KLHL4: variants seen among roughly 807,000 people sequenced by gnomAD.
KLHL4 encodes the protein kelch-like protein 4.
A neutral mutation model predicts 45.8 loss-of-function variants in KLHL4; 17 were observed. The observed-to-expected ratio is 0.37, with a 90% confidence interval of 0.25 to 0.56. KLHL4 has a LOEUF of 0.56. Ranked by LOEUF, KLHL4 falls within the 20% of genes least tolerant of loss-of-function variation. The pLI, the probability that KLHL4 is intolerant of heterozygous loss-of-function variation, is 0.79. For synonymous variants in KLHL4, 224 were observed against 189.9 expected (o/e 1.18, Z -1.47); for missense variants, 544 against 544.9 (o/e 1.00, Z 0.02).
intron 1 of KLHL4, among the ~76,000 whole-genome samples, chrX:87,592,690 C>T (rs1265246023): frequency 9.0e-6 from 1 of 111,614 alleles, no homozygotes; most frequent in Admixed American, 9.5e-5. Flanking sequence ...TTTCACATAC[C>T]CCTCTGCCCT....
intron 1 of KLHL4, among the ~76,000 whole-genome samples, chrX:87,523,512 T>C (rs1931044210): frequency 9.0e-6 from 1 of 111,210 alleles, no homozygotes; most frequent in South Asian, 3.8e-4. Context: ...TTCAAAAAAA[T>C]GATGTAGGTG....
chrX:87,596,766 CT>C (rs1227826857), intron 1 of KLHL4, among the ~76,000 whole-genome samples: 2 of 111,938 alleles, frequency 1.8e-5, no homozygotes, highest in African/African-American at 6.5e-5. Flanking sequence ...ACTATCACTT[CT>C]AGTATATATG....
chrX:87,533,029 G>A lies in KLHL4; in HGVS notation c.422+14714G>A, dbSNP rs552277233. ...ATACCATCTCACACCAGTTAGAATG[G>A]CAATCATTAAAAAGTCAGGAAACAA... On this transcript the variant is annotated intron_variant, in intron 1 of 10. Transcript: ENST00000373119. 3.3e-3 allele frequency among the ~76,000 whole-genome samples: 353 copies of A among 105,758 alleles called. 6 individuals are homozygous for A. The South Asian group carries it at 0.05, about 15-fold the overall frequency. The allele number at this position is 105,758 out of a possible 115,157, so 91.8% of individuals were successfully genotyped here.
chrX:87,659,309 G>A (rs1158237872), intron 9 of KLHL4, among the ~76,000 whole-genome samples: 2 of 107,898 alleles, frequency 1.9e-5, no homozygotes, highest in Admixed American at 2.0e-4. Context: ...CAGTAGTGAT[G>A]GAGTTTCACC....
intron 1 of KLHL4, among the ~76,000 whole-genome samples, chrX:87,520,450 A>C (rs183665922): frequency 1.1e-4 from 12 of 112,813 alleles, no homozygotes; most frequent in Admixed American, 4.7e-4. Context: ...GATTTCTACA[A>C]ATATTATGGG....
chrX:87,634,557 T>A (rs222085), intron 8 of KLHL4, among the ~76,000 whole-genome samples: 2 of 110,841 alleles, frequency 1.8e-5, no homozygotes, highest in South Asian at 7.6e-4. Context: ...ATGCGAGTTT[T>A]AGACAATAGG....
intron 10 of KLHL4, among the ~76,000 whole-genome samples, chrX:87,665,941 G>A (rs1276529866): frequency 4.5e-5 from 5 of 111,057 alleles, no homozygotes; most frequent in Non-Finnish European, 9.5e-5. Flanking sequence ...ACCAGAAATC[G>A]AAGGAAAAAA....
intron 6 of KLHL4, among the ~76,000 whole-genome samples, chrX:87,631,084 C>T (rs1923080961): frequency 9.0e-6 from 1 of 111,673 alleles, no homozygotes; most frequent in Non-Finnish European, 1.9e-5. Context: ...CTGGTTAGGA[C>T]CAGGTGTGCT....
chrX:87,543,882 A>G (rs760952345), intron 1 of KLHL4, among the ~76,000 whole-genome samples: 94 of 111,556 alleles, frequency 8.4e-4, no homozygotes, highest in African/African-American at 3.0e-3. Context: ...CTGCTAAGTG[A>G]AGAGCCCTTC....
intron 1 of KLHL4, among the ~76,000 whole-genome samples, chrX:87,598,108 C>T (rs1236189402): frequency 1.8e-5 from 2 of 109,929 alleles, no homozygotes; most frequent in Non-Finnish European, 3.8e-5. Context: ...TAAATTCATA[C>T]CCTAGCCTAG....
intron 1 of KLHL4, among the ~76,000 whole-genome samples, chrX:87,584,365 T>C (rs1412681911): frequency 1.8e-5 from 2 of 111,627 alleles, no homozygotes. Flanking sequence ...ATGAACGAAA[T>C]AAGGTACCAG....
intron 1 of KLHL4, among the ~76,000 whole-genome samples, chrX:87,539,801 C>T (rs769570529): frequency 9.0e-6 from 1 of 111,314 alleles, no homozygotes; most frequent in Non-Finnish European, 1.9e-5. Flanking sequence ...TCAGTCCTTT[C>T]ACCCTTATCT....
At position 87,594,384 on chromosome X, in the gene KLHL4, C is replaced by T. The variant is rs73511918; in HGVS notation, c.423-19493C>T. 8.0e-3 allele frequency among the ~76,000 whole-genome samples: 889 copies of T among 111,605 alleles called. 10 individuals are homozygous for T. The highest frequency in any genetic ancestry group is 0.027 in the African/African-American group (831 of 30,713). The stretch of plus-strand genomic sequence containing the variant: ...ATGAATTTGAGTTCTAATTCCTATA[C>T]GGTTTCAAGGTACCTGTGAATGATC... On this transcript the variant is annotated intron_variant, in intron 1 of 10. Coordinates refer to ENST00000373119, the MANE Select transcript of KLHL4 (RefSeq NM_019117.5).
chrX:87,650,174 C>A (rs773733845), intron 9 of KLHL4, among the ~76,000 whole-genome samples: 9 of 111,258 alleles, frequency 8.1e-5, no homozygotes, highest in Non-Finnish European at 1.3e-4. Context: ...CATCATGGTT[C>A]ACTGCATGCT....
chrX:87,658,635 G>A (rs1275825140), intron 9 of KLHL4, among the ~76,000 whole-genome samples: 1 of 111,388 alleles, frequency 9.0e-6, no homozygotes, highest in Admixed American at 9.5e-5. Context: ...CGAACCCACA[G>A]CACAGGCTGC....
intron 10 of KLHL4, among the ~76,000 whole-genome samples, chrX:87,665,204 A>C (rs1256548213): frequency 9.0e-6 from 1 of 111,438 alleles, no homozygotes; most frequent in Non-Finnish European, 1.9e-5. Flanking sequence ...TCATGAAAGC[A>C]TTCCCTTTAA....
intron 1 of KLHL4, among the ~76,000 whole-genome samples, chrX:87,548,251 A>G (rs955741288): frequency 8.9e-6 from 1 of 111,953 alleles, no homozygotes; most frequent in Admixed American, 9.5e-5. Flanking sequence ...AGAATAGTAT[A>G]TCTGGTGAAT....
intron 4 of KLHL4, among the ~76,000 whole-genome samples, chrX:87,619,126 A>C (rs900368413): frequency 2.7e-5 from 3 of 111,523 alleles, no homozygotes; most frequent in African/African-American, 9.8e-5. Context: ...ACCCAATCAA[A>C]ATATAAATAT....
intron 1 of KLHL4, among the ~76,000 whole-genome samples, chrX:87,534,476 A>G (rs777578175): frequency 9.0e-6 from 1 of 111,322 alleles, no homozygotes; most frequent in Admixed American, 9.6e-5. Context: ...ATTTGAAAGA[A>G]AGAAATCTAA....
Sources: gnomAD v4.1 joint callset for allele counts (sites outside exome capture counted in the v4.1 genomes callset) on GRCh38, gnomAD v4.1.1 for gene constraint, MANE v1.5 for transcripts, NCBI Gene and HGNC (gene_info 2026-07-23, HGNC 2026-07-21) for gene names.